SEMA3A: variants seen among roughly 807,000 people sequenced by gnomAD.
SEMA3A encodes the protein semaphorin-3A.
A neutral mutation model predicts 97.9 loss-of-function variants in SEMA3A; 29 were observed. The observed-to-expected ratio is 0.30, with a 90% CI of 0.22 to 0.40. The LOEUF (loss-of-function observed/expected upper bound fraction) is 0.40. SEMA3A is among the 10% of genes least tolerant of loss of function. The probability of loss-of-function intolerance (pLI) is 1.00; values close to 1 mark genes in which losing one functional copy is unlikely to be tolerated. For synonymous variants in SEMA3A, 321 were observed against 323.7 expected, an observed-to-expected ratio of 0.99 and a Z score of 0.09; for missense variants, 763 against 951.3, an observed-to-expected ratio of 0.80 and a Z score of 2.60.
At chr7:84,313,379 T>C (rs1290683483) in intron 2 of SEMA3A, among the ~76,000 whole-genome samples, 2 of 82,520 alleles carry the variant, frequency 2.4e-5, no homozygotes, top group African/African-American at 3.9e-5. Flanking sequence ...TATATATATA[T>C]ATATATATAT....
At chr7:84,480,111 C>A (rs1230585296) in intron 1 of SEMA3A, among the ~76,000 whole-genome samples, 1 of 152,168 alleles carries the variant, frequency 6.6e-6, no homozygotes, top group Non-Finnish European at 1.5e-5. Flanking sequence ...ATGTTCATTT[C>A]TACAAAAAAA....
intron 1 of SEMA3A, among the ~76,000 whole-genome samples, chr7:84,176,933 T>C (rs183149339): frequency 3.9e-5 from 6 of 152,242 alleles, no homozygotes; most frequent in African/African-American, 1.4e-4. Flanking sequence ...TGCATAACAA[T>C]ATCTAGCCCC....
At chr7:84,135,011 T>G in intron 1 of SEMA3A, 60 bp from the exon 2 acceptor site, 1 of 1,373,596 alleles carries the variant, frequency 7.3e-7, no homozygotes, top group African/African-American at 1.4e-5. Flanking sequence ...AAGCATAGAC[T>G]GTTGGTACAT....
chr7:84,010,914 G>T, intron 9 of SEMA3A, 108 bp downstream of exon 9: 1 of 733,142 alleles, frequency 1.4e-6, no homozygotes, highest in East Asian at 2.6e-5. Flanking sequence ...ACAGCTCAAA[G>T]GTTAAAGCAA....
At chr7:84,155,934 TCTGA>T (rs1291927307) in intron 1 of SEMA3A, among the ~76,000 whole-genome samples, 1 of 152,146 alleles carries the variant, frequency 6.6e-6, no homozygotes, top group African/African-American at 2.4e-5. Flanking sequence ...TGTGTCTTTC[TCTGA>T]CTCTGTTTGA....
At chr7:84,468,912 G>A (rs1237605423) in intron 1 of SEMA3A, among the ~76,000 whole-genome samples, 1 of 151,190 alleles carries the variant, frequency 6.6e-6, no homozygotes, top group African/African-American at 2.4e-5. Flanking sequence ...TTCAAGTATT[G>A]CTTGTGGTTA....
intron 2 of SEMA3A, among the ~76,000 whole-genome samples, chr7:84,318,427 A>G (rs952127561): frequency 6.5e-5 from 9 of 137,998 alleles, no homozygotes; most frequent in East Asian, 2.3e-4. Flanking sequence ...GGTTCACGCC[A>G]TTCTCCTGCC....
At chr7:84,482,822 C>T (rs1298461849) in intron 1 of SEMA3A, among the ~76,000 whole-genome samples, 2 of 149,946 alleles carry the variant, frequency 1.3e-5, no homozygotes, top group Admixed American at 6.7e-5. Flanking sequence ...TATGTGAAAC[C>T]TTATTTATTT....
intron 1 of SEMA3A, among the ~76,000 whole-genome samples, chr7:84,178,168 C>A (rs1294781748): frequency 6.6e-6 from 1 of 152,140 alleles, no homozygotes; most frequent in Non-Finnish European, 1.5e-5. Context: ...TATCTCAACT[C>A]TTGAGTTATC....
At chr7:84,179,223 T>G (rs1797662325) in intron 1 of SEMA3A, among the ~76,000 whole-genome samples, 1 of 152,182 alleles carries the variant, frequency 6.6e-6, no homozygotes, top group Non-Finnish European at 1.5e-5. Flanking sequence ...TATTAGTACT[T>G]ATTAGAAGAA....
At chr7:84,325,336 C>T (rs190335130) in intron 2 of SEMA3A, among the ~76,000 whole-genome samples, 9 of 151,928 alleles carry the variant, frequency 5.9e-5, no homozygotes, top group Admixed American at 2.6e-4. Context: ...AAAATACTAC[C>T]GAAGTGAGGC....
intron 3 of SEMA3A, among the ~76,000 whole-genome samples, chr7:84,287,373 A>C (rs1212523239): frequency 6.6e-6 from 1 of 152,104 alleles, no homozygotes; most frequent in Non-Finnish European, 1.5e-5. Flanking sequence ...GGCAATTAAA[A>C]AAATTTTTAG....
At chr7:83,980,623 A>AAAAAAATATATATAT (rs1310318006) in intron 14 of SEMA3A, among the ~76,000 whole-genome samples, 11 of 71,756 alleles carry the variant, frequency 1.5e-4, no homozygotes, top group African/African-American at 1.7e-4. Context: ...AAAAAAAAAA[A>AAAAAAATATATATAT]ATATATATAT....
chr7:84,437,690 G>A (rs1193285312), intron 1 of SEMA3A, among the ~76,000 whole-genome samples: 5 of 151,514 alleles, frequency 3.3e-5, no homozygotes, highest in Non-Finnish European at 7.4e-5. Context: ...AAAATTTCAA[G>A]CTGGGAAGGC....
At chr7:84,492,205 A>G (rs761435530) in intron 1 of SEMA3A, among the ~76,000 whole-genome samples, 17 of 152,134 alleles carry the variant, frequency 1.1e-4, no homozygotes, top group Non-Finnish European at 2.1e-4. Flanking sequence ...GGCAAAATAC[A>G]GGATTGAATT....
intron 3 of SEMA3A, among the ~76,000 whole-genome samples, chr7:84,238,123 G>A (rs1204956840): frequency 6.6e-6 from 1 of 151,874 alleles, no homozygotes; most frequent in Non-Finnish European, 1.5e-5. Flanking sequence ...AGACTGGAGT[G>A]CAGTGTGATC....
intron 1 of SEMA3A, among the ~76,000 whole-genome samples, chr7:84,485,561 G>A (rs1584357681): frequency 6.6e-6 from 1 of 152,032 alleles, no homozygotes; most frequent in African/African-American, 2.4e-5. Context: ...TTTTTGTAGA[G>A]GTGGGGTTTC....
At chr7:84,071,342 G>A (rs1022431345) in intron 4 of SEMA3A, among the ~76,000 whole-genome samples, 7 of 152,070 alleles carry the variant, frequency 4.6e-5, no homozygotes, top group Admixed American at 1.3e-4. Context: ...CCTCCAGGAA[G>A]AGAAATTTTG....
rs577974351 is a variant in SEMA3A, at chr7:84,288,734, C to A, written c.-83+18473G>T. 7.2e-5 allele frequency among the ~76,000 whole-genome samples: 11 copies of A among 152,054 alleles called. No individual in the cohort carries two copies. The South Asian group carries it at 2.1e-3, about 29-fold the overall frequency. ...AAAACAAAACAAAAACAAAAAAAAC[C>A]ATGCCAGTGTGTTCTCTGAACTTGG... On this transcript the variant is annotated intron_variant, in intron 3 of 3. Coordinates refer to the SEMA3A transcript ENST00000424555.
Sources: gnomAD v4.1 joint callset for allele counts (sites outside exome capture counted in the v4.1 genomes callset) on GRCh38, gnomAD v4.1.1 for gene constraint, MANE v1.5 for transcripts, NCBI Gene and HGNC (gene_info 2026-07-23, HGNC 2026-07-21) for gene names.